Variants in STX8 observed in about 807,000 individuals in gnomAD.
STX8 encodes syntaxin 8, also known as syntaxin-8.
A neutral mutation model predicts 37.5 loss-of-function variants in STX8; 23 were observed. The observed-to-expected ratio is 0.61, with a 90% CI of 0.44 to 0.87. The LOEUF (loss-of-function observed/expected upper bound fraction) is 0.87. STX8 is among the 40% of genes least tolerant of loss of function. The pLI, the probability that STX8 is intolerant of heterozygous loss-of-function variation, is 0.00. For missense variants in STX8, 313 were observed against 284.7 expected, an observed-to-expected ratio of 1.10 and a Z score of -0.71; for synonymous variants, 115 against 99.1, an observed-to-expected ratio of 1.16 and a Z score of -0.95.
Position 9,378,552 on chromosome 17 carries a change from C to G in STX8, c.643G>C (p.Gly215Arg), listed in dbSNP as rs749067497. 2.9e-5 allele frequency: 47 copies of G among 1,612,944 alleles called. No homozygotes were observed. The Admixed American group carries it at 7.8e-4, about 27-fold the overall frequency. ...GAGCCATAACGTAGCTATCTCTTAC[C>G]ACAAGAGGCTGACTTTCTGTCCACC... ...NMVDRKSASC[G>R]MIMVILLLLV... The change falls in exon 7 of 8, where the codon GGG becomes CGG. Residue 215 changes from glycine (G) to arginine (R), a missense_variant and splice_region_variant. Transcript: ENST00000306357.
At chr17:9,557,564 C>A in intron 2 of STX8, 36 bp from the exon 3 acceptor site, 1 of 1,581,644 alleles carries the variant, frequency 6.3e-7, no homozygotes, top group South Asian at 1.1e-5. Flanking sequence ...GTATTCTAGT[C>A]CAGAATGTAG....
At chr17:9,276,298 G>C (rs928901882) in intron 7 of STX8, among the ~76,000 whole-genome samples, 1 of 152,140 alleles carries the variant, frequency 6.6e-6, no homozygotes, top group African/African-American at 2.4e-5. Context: ...TCCTAACGAA[G>C]GGAACATGTT....
intron 1 of STX8, among the ~76,000 whole-genome samples, chr17:9,572,474 A>G (rs908418988): frequency 6.6e-6 from 1 of 152,154 alleles, no homozygotes; most frequent in African/African-American, 2.4e-5. Flanking sequence ...CAGTGGCGCA[A>G]TCTCGGCTCA....
chr17:9,479,218 A>T (rs757839333), intron 6 of STX8, among the ~76,000 whole-genome samples: 5 of 152,146 alleles, frequency 3.3e-5, no homozygotes, highest in Non-Finnish European at 5.9e-5. Context: ...CAATGAAAAA[A>T]TATATATACT....
At chr17:9,331,167 A>G (rs1039899342) in intron 7 of STX8, among the ~76,000 whole-genome samples, 1 of 152,182 alleles carries the variant, frequency 6.6e-6, no homozygotes, top group Non-Finnish European at 1.5e-5. Flanking sequence ...GTTTAGTCTC[A>G]TTACCATTTC....
At chr17:9,516,785 C>T (rs1338389745) in intron 4 of STX8, among the ~76,000 whole-genome samples, 1 of 152,038 alleles carries the variant, frequency 6.6e-6, no homozygotes, top group Non-Finnish European at 1.5e-5. Context: ...AGAAACTCAC[C>T]AACATGAAGC....
chr17:9,448,566 C>T (rs1372259552), intron 6 of STX8, among the ~76,000 whole-genome samples: 1 of 118,638 alleles, frequency 8.4e-6, no homozygotes, highest in Non-Finnish European at 1.7e-5. Flanking sequence ...TACATGTATT[C>T]GGTAAGTTTC....
chr17:9,427,376 G>C (rs1314870023), intron 6 of STX8, among the ~76,000 whole-genome samples: 1 of 152,132 alleles, frequency 6.6e-6, no homozygotes, highest in African/African-American at 2.4e-5. Flanking sequence ...AGTCACCTGG[G>C]CATCCTGAGA....
intron 6 of STX8, among the ~76,000 whole-genome samples, chr17:9,432,156 CTTTTT>C (rs572528213): frequency 1.4e-5 from 2 of 147,654 alleles, no homozygotes; most frequent in South Asian, 2.1e-4. Flanking sequence ...TTTCACCTGG[CTTTTT>C]TTTTTAAGTT....
intron 7 of STX8, among the ~76,000 whole-genome samples, chr17:9,363,524 CTG>C (rs1911132863): frequency 6.6e-6 from 1 of 152,158 alleles, no homozygotes; most frequent in Non-Finnish European, 1.5e-5. Flanking sequence ...GGACAACTGA[CTG>C]TACTTCTAAA....
intron 2 of STX8, among the ~76,000 whole-genome samples, chr17:9,564,874 C>G (rs1235243195): frequency 6.6e-6 from 1 of 152,126 alleles, no homozygotes; most frequent in Non-Finnish European, 1.5e-5. Context: ...CATATGGAAC[C>G]AAAAAAGAGC....
intron 7 of STX8, among the ~76,000 whole-genome samples, chr17:9,366,424 G>C (rs1911231490): frequency 6.6e-6 from 1 of 152,126 alleles, no homozygotes; most frequent in East Asian, 1.9e-4. Flanking sequence ...TAGAGATGGG[G>C]TTTCACAATG....
intron 7 of STX8, among the ~76,000 whole-genome samples, chr17:9,276,056 C>A (rs907348691): frequency 1.3e-5 from 2 of 151,520 alleles, no homozygotes; most frequent in African/African-American, 2.4e-5. Flanking sequence ...TAGATCAGAG[C>A]TCTGGCTGAG....
chr17:9,557,205 T>C, intron 3 of STX8: 1 of 459,144 alleles, frequency 2.2e-6, no homozygotes, highest in Non-Finnish European at 4.0e-6. Flanking sequence ...CTGTACAGGT[T>C]ATACCCAAAT....
chr17:9,287,652 A>G (rs1300562274), intron 7 of STX8, among the ~76,000 whole-genome samples: 2 of 152,050 alleles, frequency 1.3e-5, no homozygotes, highest in African/African-American at 2.4e-5. Context: ...TGGGATCCCC[A>G]ATCAATGACT....
chr17:9,494,527 G>A (rs994218599), intron 5 of STX8, among the ~76,000 whole-genome samples: 7 of 140,124 alleles, frequency 5.0e-5, no homozygotes, highest in African/African-American at 1.0e-4. Flanking sequence ...GAGGTGGATG[G>A]ATCACTTGAG....
chr17:9,531,006 G>A (rs1663302449), intron 4 of STX8, among the ~76,000 whole-genome samples: 2 of 152,172 alleles, frequency 1.3e-5, no homozygotes, highest in South Asian at 2.1e-4. Context: ...GATAGCAGAG[G>A]CCAAGATTCA....
At chr17:9,300,830 C>CTTTTTTT (rs1164799565) in intron 7 of STX8, among the ~76,000 whole-genome samples, 13 of 90,896 alleles carry the variant, frequency 1.4e-4, no homozygotes, top group East Asian at 6.6e-4. Flanking sequence ...TTATTTTGTT[C>CTTTTTTT]TTTTTTTTTT....
At chr17:9,420,954 C>T (rs991278254) in intron 6 of STX8, among the ~76,000 whole-genome samples, 1 of 152,156 alleles carries the variant, frequency 6.6e-6, no homozygotes, top group Non-Finnish European at 1.5e-5. Context: ...CATTGTTCCA[C>T]CAGTTTCTCA....
Sources: allele counts gnomAD v4.1 joint callset (sites outside exome capture counted in the v4.1 genomes callset), GRCh38; gene constraint gnomAD v4.1.1; transcripts MANE v1.5; gene names NCBI Gene and HGNC (gene_info 2026-07-23, HGNC 2026-07-21).